SMIM14: variants seen among roughly 807,000 people sequenced by gnomAD.
SMIM14 encodes small integral membrane protein 14.
In SMIM14, 5 loss-of-function variants were observed where a neutral mutation model predicts 12.6. The observed-to-expected ratio is 0.40, with a 90% confidence interval of 0.21 to 0.83. SMIM14 has a LOEUF of 0.83. Ranked by LOEUF, SMIM14 falls within the 40% of genes least tolerant of loss-of-function variation. SMIM14 has a pLI of 0.37. For synonymous variants in SMIM14, 30 were observed against 40.1 expected (o/e 0.75, Z 0.95); for missense variants, 86 against 119.1 (o/e 0.72, Z 1.29).
chr4:39,581,324 T>G (rs1359586168), intron 2 of SMIM14, among the ~76,000 whole-genome samples: 2 of 152,130 alleles, frequency 1.3e-5, no homozygotes, highest in South Asian at 4.1e-4. Context: ...CTGTTAACAA[T>G]GGAGTTTTAC....
At chr4:39,614,547 C>G (rs1039581568) in intron 1 of SMIM14, among the ~76,000 whole-genome samples, 14 of 152,092 alleles carry the variant, frequency 9.2e-5, no homozygotes, top group Non-Finnish European at 1.5e-5. Context: ...GTCTTGAACT[C>G]TCAACCTCAG....
intron 1 of SMIM14, among the ~76,000 whole-genome samples, chr4:39,610,879 A>C (rs1715006943): frequency 6.6e-6 from 1 of 152,160 alleles, no homozygotes; most frequent in Non-Finnish European, 1.5e-5. Flanking sequence ...CACATACATA[A>C]CTACAAGAAG....
At position 39,622,846 on chromosome 4, in the gene SMIM14, A is replaced by G. The variant is rs1212601606; in HGVS notation, c.-36+15893T>C. Among the ~76,000 whole-genome samples the G allele has an allele frequency of 1.1e-4, 17 of 152,246 alleles. 1 individual carries two copies. The highest frequency in any genetic ancestry group is 1.0e-3 in the Admixed American group (16 of 15,278). ...TTTTCAAATATCATATAATGGTTAC[A>G]TATTAACTTTTATAATCAGGAAAAA... On this transcript the variant is annotated intron_variant, in intron 1 of 4. Coordinates refer to ENST00000295958, the MANE Select transcript of SMIM14 (RefSeq NM_174921.3).
chr4:39,621,394 TGCAAACCAATTCTTTA>T (rs1715481765), intron 1 of SMIM14, among the ~76,000 whole-genome samples: 1 of 152,144 alleles, frequency 6.6e-6, no homozygotes, highest in Non-Finnish European at 1.5e-5. Flanking sequence ...ACAGAGCATA[TGCAAACCAATTCTTTA>T]GTAAGATGGA....
chr4:39,584,793 C>CAAAAAAAAAA (rs34970724), intron 2 of SMIM14, among the ~76,000 whole-genome samples: 3 of 76,208 alleles, frequency 3.9e-5, no homozygotes, highest in African/African-American at 1.0e-4. Flanking sequence ...AGGACCTTGT[C>CAAAAAAAAAA]AAAAAAAAAA....
At position 39,549,674 on chromosome 4, in the gene SMIM14, G is replaced by A. The variant is rs550868713; in HGVS notation, c.*2452C>T. 1 of 152,168 alleles carries A rather than the reference G, an allele frequency of 6.6e-6. No homozygotes were observed. The highest frequency in any genetic ancestry group is 1.5e-5 in the Non-Finnish European group (1 of 68,030). The allele number at this position is 152,168 out of a possible 1,614,324, so 9.4% of individuals were successfully genotyped here. On this transcript the variant is annotated 3_prime_UTR_variant, in exon 5 of 5. Transcript: ENST00000295958. ...TAACAGCTCAGAGAACAGATTGTTA[G>A]GATATATGGGCAAGCCTTCTAAGTT...
In SMIM14 at chr4:39,617,006, C is replaced by T. The variant is rs28418301; in HGVS notation, c.-35-11826G>A. Among the ~76,000 whole-genome samples, 1,243 of 152,176 alleles carry T rather than the reference C, an allele frequency of 8.2e-3. 14 individuals carry two copies. The highest frequency in any genetic ancestry group is 0.028 in the African/African-American group (1,171 of 41,510). On this transcript the variant is annotated intron_variant, in intron 1 of 4. Transcript: ENST00000295958. The stretch of plus-strand genomic sequence containing the variant: ...ATTATTGTACATTAAACTCATTATA[C>T]CGGTTATTGTTAAGATGATCAGATA...
At chr4:39,618,649 C>CAAA (rs34837742) in intron 1 of SMIM14, among the ~76,000 whole-genome samples, 27 of 92,226 alleles carry the variant, frequency 2.9e-4, no homozygotes, top group African/African-American at 4.4e-4. Flanking sequence ...GACTCCATCT[C>CAAA]AAAAAAAAAA....
chr4:39,572,275 C>T (rs1324723605), intron 3 of SMIM14, 140 bp downstream of exon 3: 5 of 466,790 alleles, frequency 1.1e-5, no homozygotes, highest in Admixed American at 7.8e-5. Flanking sequence ...GCGTATGTGT[C>T]GCTTTTTTTT....
chr4:39,630,004 C>T (rs998454232), intron 1 of SMIM14, among the ~76,000 whole-genome samples: 3 of 152,084 alleles, frequency 2.0e-5, no homozygotes, highest in Non-Finnish European at 4.4e-5. Context: ...AGCAATGGTA[C>T]CAGTTTGTTA....
In SMIM14 at chr4:39,547,292, CAA is replaced by C. The variant is rs150336979; in HGVS notation, c.*4832_*4833del. Reference sequence around the variant, plus strand: ...TCCCACAAAAGCCAAACAGAAAACACAAAGTGTTACTAACGTTTTCTATTTAT... The same window carrying C: ...TCCCACAAAAGCCAAACAGAAAACACAGTGTTACTAACGTTTTCTATTTAT... On this transcript the variant is annotated 3_prime_UTR_variant, in exon 5 of 5. Coordinates refer to ENST00000295958, the MANE Select transcript of SMIM14 (RefSeq NM_174921.3). 0.023 allele frequency: 3,565 copies of C among 152,264 alleles called. 62 individuals are homozygous for C. Among genetic ancestry groups the C allele is most frequent in the Middle Eastern group, 0.054 (16 of 294 alleles). 9.4% of individuals were successfully genotyped at this position (152,264 alleles called of 1,614,324 possible).
intron 2 of SMIM14, among the ~76,000 whole-genome samples, chr4:39,585,450 C>A (rs1026796717): frequency 1.3e-5 from 2 of 151,954 alleles, no homozygotes; most frequent in African/African-American, 4.8e-5. Flanking sequence ...GCGTGCGCCA[C>A]CATGCCCAGC....
At chr4:39,596,564 GA>G in intron 2 of SMIM14, among the ~76,000 whole-genome samples, 1 of 152,256 alleles carries the variant, frequency 6.6e-6, no homozygotes, top group East Asian at 1.9e-4. Context: ...TCTGTAAAAA[GA>G]AATCCTAGTA....
chr4:39,599,388 A>G (rs34494509), intron 2 of SMIM14, among the ~76,000 whole-genome samples: 1,689 of 152,190 alleles, frequency 0.011, 13 homozygotes, highest in Non-Finnish European at 0.02. Context: ...AAGGAGAAAC[A>G]TTACTGACTT....
At chr4:39,624,503 C>T (rs1160680075) in intron 1 of SMIM14, among the ~76,000 whole-genome samples, 1 of 152,108 alleles carries the variant, frequency 6.6e-6, no homozygotes, top group Non-Finnish European at 1.5e-5. Flanking sequence ...TAGAGCAGTA[C>T]AGAAATTAGA....
In SMIM14 at chr4:39,551,155, C is replaced by G. The variant is rs1252485491; in HGVS notation, c.*971G>C. 1.3e-5 allele frequency: 2 copies of G among 152,164 alleles called. No homozygotes were observed. The highest frequency in any genetic ancestry group is 4.8e-5 in the African/African-American group (2 of 41,430). The allele number at this position is 152,164 out of a possible 1,614,324, so 9.4% of individuals were successfully genotyped here. On this transcript the variant is annotated 3_prime_UTR_variant, in exon 5 of 5. Coordinates refer to ENST00000295958, the MANE Select transcript of SMIM14 (RefSeq NM_174921.3). ...CGAACTCCTGACCTCAAGTGATCCA[C>G]CCACCTCAGCCTCCCAAAGTGCTGG...
rs1019875114 is a variant in SMIM14 at position 39,605,107 on chromosome 4, G to A, written c.39C>T (p.Cys13=). The A allele has an allele frequency of 3.1e-6, 5 of 1,609,496 alleles. No homozygotes were observed. The highest frequency in any genetic ancestry group is 4.2e-6 in the Non-Finnish European group (5 of 1,178,742). The change falls in exon 2 of 5, where the codon TGC becomes TGT. Residue 13 remains cysteine, a synonymous_variant. Transcript: ENST00000295958. ...EGGFDPCECV[C]SHEHAMRRLI... is the part of the protein sequence containing the mutation. The stretch of plus-strand genomic sequence containing the variant: ...GTCTTCTCATTGCATGTTCATGAGA[G>A]CAAACACATTCACAGGGATCAAATC...
chr4:39,567,781 C>T (rs1183811375), intron 3 of SMIM14, among the ~76,000 whole-genome samples: 1 of 151,920 alleles, frequency 6.6e-6, no homozygotes, highest in Non-Finnish European at 1.5e-5. Flanking sequence ...GTTGTATGCT[C>T]CTGTAGTCCC....
intron 3 of SMIM14, among the ~76,000 whole-genome samples, chr4:39,557,671 CAT>C (rs1345509714): frequency 6.6e-6 from 1 of 152,098 alleles, no homozygotes; most frequent in Non-Finnish European, 1.5e-5. Flanking sequence ...GAAAAGCACT[CAT>C]GTATACCAAA....
Sources: allele counts gnomAD v4.1 joint callset (sites outside exome capture counted in the v4.1 genomes callset), GRCh38; gene constraint gnomAD v4.1.1; transcripts MANE v1.5; gene names NCBI Gene and HGNC (gene_info 2026-07-23, HGNC 2026-07-21).